The following HOOK3 variants were observed in gnomAD, a reference collection of about 807,000 sequenced individuals.
The protein encoded by HOOK3 is hook microtubule tethering protein 3.
A neutral mutation model predicts 116.3 loss-of-function variants in HOOK3; 24 were observed. That is an observed-to-expected ratio of 0.21 (90% CI 0.15 to 0.29). The LOEUF (loss-of-function observed/expected upper bound fraction) is 0.29. HOOK3 is among the 10% of genes least tolerant of loss of function. The pLI, the probability that HOOK3 is intolerant of heterozygous loss-of-function variation, is 1.00. For synonymous variants in HOOK3, 275 were observed against 283.0 expected, an observed-to-expected ratio of 0.97 and a Z score of 0.28; for missense variants, 632 against 830.2, an observed-to-expected ratio of 0.76 and a Z score of 2.93.
At chr8:42,934,899 A>G (rs1807937814) in intron 4 of HOOK3, among the ~76,000 whole-genome samples, 1 of 152,186 alleles carries the variant, frequency 6.6e-6, no homozygotes, top group South Asian at 2.1e-4. Flanking sequence ...TCCTTTGGGT[A>G]TATACCCAGT....
intron 4 of HOOK3, among the ~76,000 whole-genome samples, chr8:42,934,784 A>C (rs1807935465): frequency 6.6e-6 from 1 of 152,114 alleles, no homozygotes; most frequent in African/African-American, 2.4e-5. Context: ...TTCTTTATCC[A>C]GTCTATCATT....
chr8:42,915,179 CG>C (rs1807507217), intron 2 of HOOK3, among the ~76,000 whole-genome samples: 1 of 151,966 alleles, frequency 6.6e-6, no homozygotes, highest in African/African-American at 2.4e-5. Flanking sequence ...AGGGACTGTC[CG>C]ATGGTCACCA....
chr8:42,970,691 C>T lies in HOOK3; in HGVS notation c.1122+2477C>T, dbSNP rs1808710753. On this transcript the variant is annotated intron_variant, in intron 11 of 21. Transcript: ENST00000307602. ...AATTGACTTTTATATGTTGATTCTG[C>T]AACCTTGCCAAATTCTCATATTACT... is the stretch of plus-strand genomic sequence containing the variant. Among the ~76,000 whole-genome samples the T allele has an allele frequency of 3.3e-5, 5 of 151,636 alleles. No homozygotes were observed. The South Asian group carries it at 1.0e-3, about 32-fold the overall frequency.
chr8:42,923,615 A>G (rs1365934027), intron 2 of HOOK3, among the ~76,000 whole-genome samples: 1 of 152,226 alleles, frequency 6.6e-6, no homozygotes, highest in Non-Finnish European at 1.5e-5. Flanking sequence ...GGATAGACAA[A>G]TTCATAGAGA....
intron 2 of HOOK3, among the ~76,000 whole-genome samples, chr8:42,912,229 G>T (rs1295347098): frequency 6.6e-6 from 1 of 152,170 alleles, no homozygotes. Context: ...GTAGTTTTAG[G>T]AGAAATTTGA....
intron 2 of HOOK3, among the ~76,000 whole-genome samples, chr8:42,910,356 CT>C (rs140215413): frequency 1.4e-4 from 21 of 151,110 alleles, no homozygotes; most frequent in African/African-American, 3.2e-4. Flanking sequence ...GAATGCCTTC[CT>C]TTTTTTTTCC....
At chr8:42,918,480 G>T (rs1021003015) in intron 2 of HOOK3, among the ~76,000 whole-genome samples, 1 of 151,856 alleles carries the variant, frequency 6.6e-6, no homozygotes, top group Non-Finnish European at 1.5e-5. Flanking sequence ...CGGAGAGGGG[G>T]ATTTGGCAGG....
At chr8:42,927,255 T>G (rs1238337392) in intron 3 of HOOK3, among the ~76,000 whole-genome samples, 2 of 149,700 alleles carry the variant, frequency 1.3e-5, no homozygotes, top group Non-Finnish European at 3.0e-5. Context: ...GTTTTTTTTT[T>G]TTTTTGGTTT....
At chr8:42,914,773 T>C (rs1343189762) in intron 2 of HOOK3, among the ~76,000 whole-genome samples, 1 of 152,362 alleles carries the variant, frequency 6.6e-6, no homozygotes, top group South Asian at 2.1e-4. Flanking sequence ...CCTCCTCTAC[T>C]GGATCATATC....
At chr8:42,905,325 T>TG (rs113737597) in intron 1 of HOOK3, among the ~76,000 whole-genome samples, 3,059 of 98,980 alleles carry the variant, frequency 0.031, 97 homozygotes, top group Non-Finnish European at 0.039. Context: ...TTTCTTTTTT[T>TG]GGGGGGGGGG....
chr8:42,992,599 C>G (rs1160653508), intron 15 of HOOK3, among the ~76,000 whole-genome samples: 2 of 150,314 alleles, frequency 1.3e-5, no homozygotes, highest in African/African-American at 4.9e-5. Flanking sequence ...ACCTGTAGTC[C>G]CAGCTACTCA....
intron 13 of HOOK3, among the ~76,000 whole-genome samples, chr8:42,978,174 A>G (rs1808864250): frequency 6.6e-6 from 1 of 152,268 alleles, no homozygotes; most frequent in Non-Finnish European, 1.5e-5. Context: ...AATGTAATAT[A>G]GAAAAAGTTG....
At chr8:42,975,907 G>A (rs780418054) in intron 13 of HOOK3, among the ~76,000 whole-genome samples, 4 of 152,002 alleles carry the variant, frequency 2.6e-5, no homozygotes, top group Non-Finnish European at 4.4e-5. Flanking sequence ...GGGTTTCACC[G>A]TGTTAGCCAG....
intron 11 of HOOK3, among the ~76,000 whole-genome samples, chr8:42,971,234 G>C (rs1267361295): frequency 1.3e-5 from 2 of 152,016 alleles, no homozygotes; most frequent in Non-Finnish European, 2.9e-5. Flanking sequence ...ATATTACAAA[G>C]ATTGCTATAT....
chr8:42,994,790 T>A (rs1038896410), intron 15 of HOOK3, among the ~76,000 whole-genome samples: 5 of 152,262 alleles, frequency 3.3e-5, no homozygotes, highest in Non-Finnish European at 5.9e-5. Context: ...TGCTCACCTA[T>A]TCCCCATTGA....
At chr8:42,950,107 C>T (rs1013447702) in intron 5 of HOOK3, among the ~76,000 whole-genome samples, 3 of 152,062 alleles carry the variant, frequency 2.0e-5, no homozygotes, top group Non-Finnish European at 4.4e-5. Flanking sequence ...ACCATTTCAT[C>T]GTTTTACATT....
At chr8:42,982,127 C>T (rs1333193415) in intron 13 of HOOK3, among the ~76,000 whole-genome samples, 9 of 150,608 alleles carry the variant, frequency 6.0e-5, no homozygotes, top group South Asian at 4.2e-4. Context: ...TGGTGGCGGG[C>T]GCCTGTAATC....
At chr8:42,912,373 A>G (rs572264725) in intron 2 of HOOK3, among the ~76,000 whole-genome samples, 20 of 152,110 alleles carry the variant, frequency 1.3e-4, no homozygotes, top group African/African-American at 4.1e-4. Context: ...CTCTTTGTCT[A>G]TGTAGATTCA....
At position 43,018,333 on chromosome 8, in the gene HOOK3, T is replaced by A. The variant is rs374544327; in HGVS notation, c.2017-25T>A. On this transcript the variant is annotated intron_variant, in intron 21 of 21. Coordinates refer to ENST00000307602, the MANE Select transcript of HOOK3 (RefSeq NM_032410.4). ...TATGTTCCACTATTTTTTCATTGAT[T>A]CCTTTTTTTGTTTTAATGTTGCAGG... 4 of 1,550,070 alleles carry A rather than the reference T, an allele frequency of 2.6e-6. No homozygotes were observed. The African/African-American group carries it at 5.5e-5, about 21-fold the overall frequency.
Sources: gnomAD v4.1 joint callset for allele counts (sites outside exome capture counted in the v4.1 genomes callset) on GRCh38, gnomAD v4.1.1 for gene constraint, MANE v1.5 for transcripts, NCBI Gene and HGNC (gene_info 2026-07-23, HGNC 2026-07-21) for gene names.